Variants in IL1RAPL2 observed in about 807,000 individuals in gnomAD.
IL1RAPL2 encodes X-linked interleukin-1 receptor accessory protein-like 2.
A neutral mutation model predicts 44.1 loss-of-function variants in IL1RAPL2; 3 were observed. That is an observed-to-expected ratio of 0.07 (90% confidence interval 0.03 to 0.18). The LOEUF (loss-of-function observed/expected upper bound fraction) is 0.18. Ranked by LOEUF, IL1RAPL2 falls within the 10% of genes least tolerant of loss-of-function variation. The pLI is 1.00. For synonymous variants in IL1RAPL2, 181 were observed against 178.8 expected, an observed-to-expected ratio of 1.01 and a Z score of -0.10; for missense variants, 391 against 496.4, an observed-to-expected ratio of 0.79 and a Z score of 2.02.
At chrX:104,592,861 C>T (rs763554015) in intron 1 of IL1RAPL2, among the ~76,000 whole-genome samples, 2 of 111,853 alleles carry the variant, frequency 1.8e-5, no homozygotes, top group Admixed American at 1.9e-4. Context: ...AGTAACATTT[C>T]ATCTTTCATG....
intron 2 of IL1RAPL2, among the ~76,000 whole-genome samples, chrX:104,905,819 A>C (rs1261481321): frequency 1.2e-4 from 13 of 111,147 alleles, no homozygotes; most frequent in Admixed American, 1.0e-3. Context: ...ACTTTAAAGT[A>C]GTTTTTTCCA....
intron 2 of IL1RAPL2, among the ~76,000 whole-genome samples, chrX:104,748,913 C>G (rs1168094329): frequency 9.0e-6 from 1 of 111,039 alleles, no homozygotes; most frequent in Admixed American, 9.6e-5. Flanking sequence ...TCATTCAGAT[C>G]TGCTGAGCAC....
Position 105,243,547 on chromosome X carries a change from G to GTATATATA in IL1RAPL2, c.543+9551_543+9558dup, listed in dbSNP as rs1280916021. 4.4e-5 allele frequency among the ~76,000 whole-genome samples: 3 copies of GTATATATA among 68,935 alleles called. No individual in the cohort carries two copies. The South Asian group carries it at 1.8e-3, about 42-fold the overall frequency. 59.9% of individuals were successfully genotyped at this position (68,935 alleles called of 115,157 possible). ...ATGGAGATTTCATATATATATGTGTGTATATATATATATATGTGTGTATAT... is the reference window on the plus strand; with the variant it reads ...ATGGAGATTTCATATATATATGTGTGTATATATATATATATATATATATGTGTGTATAT... On this transcript the variant is annotated intron_variant, in intron 4 of 10. Transcript: ENST00000372582.
At chrX:104,765,739 C>T (rs761788039) in intron 2 of IL1RAPL2, among the ~76,000 whole-genome samples, 19 of 112,029 alleles carry the variant, frequency 1.7e-4, no homozygotes, top group Non-Finnish European at 3.4e-4. Flanking sequence ...TGGACCTTTT[C>T]AGCTGTAGTC....
intron 2 of IL1RAPL2, among the ~76,000 whole-genome samples, chrX:104,853,461 C>T (rs906219049): frequency 7.3e-5 from 8 of 110,307 alleles, no homozygotes; most frequent in African/African-American, 2.3e-4. Flanking sequence ...TGAGTTTAGC[C>T]GATAAGGAAT....
At chrX:105,450,936 G>C (rs2036015596) in intron 5 of IL1RAPL2, among the ~76,000 whole-genome samples, 2 of 109,644 alleles carry the variant, frequency 1.8e-5, no homozygotes, top group South Asian at 7.9e-4. Flanking sequence ...GTGTGTGTGT[G>C]TGTGTGGTTT....
intron 2 of IL1RAPL2, among the ~76,000 whole-genome samples, chrX:104,736,054 C>T (rs1932008241): frequency 9.0e-6 from 1 of 110,805 alleles, no homozygotes; most frequent in Non-Finnish European, 1.9e-5. Flanking sequence ...TCTTTCTCCC[C>T]TCCTCACATG....
chrX:104,883,184 G>A (rs1332459169), intron 2 of IL1RAPL2, among the ~76,000 whole-genome samples: 1 of 111,596 alleles, frequency 9.0e-6, no homozygotes, highest in African/African-American at 3.3e-5. Flanking sequence ...TCGCCAAGCG[G>A]TGAGTACCAT....
intron 2 of IL1RAPL2, among the ~76,000 whole-genome samples, chrX:104,677,818 G>A (rs779586880): frequency 8.9e-6 from 1 of 111,933 alleles, no homozygotes; most frequent in African/African-American, 3.2e-5. Flanking sequence ...TTTTAAGCTC[G>A]TCGGAAAAGC....
At chrX:105,033,762 T>C (rs1254178124) in intron 2 of IL1RAPL2, among the ~76,000 whole-genome samples, 1 of 111,694 alleles carries the variant, frequency 9.0e-6, no homozygotes, top group African/African-American at 3.3e-5. Context: ...TGAATCTGAA[T>C]GTTGACCTGC....
chrX:105,740,660 G>A lies in IL1RAPL2; in HGVS notation c.1017G>A (p.Arg339=), dbSNP rs368217047. The A allele has an allele frequency of 4.1e-6, 5 of 1,209,098 alleles. No homozygotes were observed. The highest frequency in any genetic ancestry group is 5.6e-6 in the Non-Finnish European group (5 of 893,703). Residue 339 remains arginine (R), a synonymous_variant, in exon 8 of 11, where the codon CGG becomes CGA. Coordinates refer to ENST00000372582, the MANE Select transcript of IL1RAPL2 (RefSeq NM_017416.2). Reference sequence around the variant, plus strand: ...GCCATGTTGAAAACCGAAATGGACGGAAACATGCCAGTGTTTTGCTGCGTA... The same window carrying A: ...GCCATGTTGAAAACCGAAATGGACGAAAACATGCCAGTGTTTTGCTGCGTA... ...YTCHVENRNG[R]KHASVLLRKK...
intron 5 of IL1RAPL2, among the ~76,000 whole-genome samples, chrX:105,392,357 C>G (rs2058087199): frequency 9.1e-6 from 1 of 109,815 alleles, no homozygotes; most frequent in African/African-American, 3.3e-5. Flanking sequence ...TGTTACTCTT[C>G]CCTCCTAAGC....
chrX:105,765,546 G>T (rs892546702), intron 10 of IL1RAPL2, among the ~76,000 whole-genome samples: 3 of 112,180 alleles, frequency 2.7e-5, no homozygotes, highest in African/African-American at 9.7e-5. Flanking sequence ...TGTAACTACT[G>T]CATGAGAAAG....
At chrX:104,608,122 C>A (rs902728165) in intron 1 of IL1RAPL2, among the ~76,000 whole-genome samples, 1 of 110,646 alleles carries the variant, frequency 9.0e-6, no homozygotes, top group Non-Finnish European at 1.9e-5. Flanking sequence ...AGCAAACTAT[C>A]GCAAGGACAG....
rs1368057364 is a variant in IL1RAPL2, at chrX:105,681,631, G to A, written c.773-35736G>A. 2.7e-5 allele frequency among the ~76,000 whole-genome samples: 3 copies of A among 111,136 alleles called. No homozygotes were observed. In the East Asian group the frequency reaches 8.6e-4, roughly 32 times the overall value. On this transcript the variant is annotated intron_variant, in intron 6 of 10. Coordinates refer to ENST00000372582, the MANE Select transcript of IL1RAPL2 (RefSeq NM_017416.2). ...AAATTAGTTGGGTGTGGTGGCAGGT[G>A]CCTATAATCCCAACTACTCAAGAGG...
At chrX:105,511,029 T>C (rs1322420544) in intron 6 of IL1RAPL2, among the ~76,000 whole-genome samples, 1 of 111,558 alleles carries the variant, frequency 9.0e-6, no homozygotes, top group Non-Finnish European at 1.9e-5. Flanking sequence ...GTGGATTACT[T>C]TGTTGATATG....
intron 2 of IL1RAPL2, among the ~76,000 whole-genome samples, chrX:104,768,251 C>G (rs934944644): frequency 9.0e-6 from 1 of 111,270 alleles, no homozygotes; most frequent in African/African-American, 3.3e-5. Context: ...TGCTTTCCTC[C>G]TATCTAATTG....
intron 5 of IL1RAPL2, among the ~76,000 whole-genome samples, chrX:105,382,232 C>T (rs1334488834): frequency 9.3e-6 from 1 of 107,029 alleles, no homozygotes; most frequent in Non-Finnish European, 1.9e-5. Flanking sequence ...TGACAAAGGG[C>T]TAATATCCAG....
intron 7 of IL1RAPL2, among the ~76,000 whole-genome samples, chrX:105,718,790 G>A (rs1276556116): frequency 9.0e-6 from 1 of 110,553 alleles, no homozygotes; most frequent in East Asian, 2.9e-4. Flanking sequence ...ACATATATAT[G>A]TACAAATCTT....
Sources: allele counts gnomAD v4.1 joint callset (sites outside exome capture counted in the v4.1 genomes callset), GRCh38; gene constraint gnomAD v4.1.1; transcripts MANE v1.5; gene names NCBI Gene and HGNC (gene_info 2026-07-23, HGNC 2026-07-21).